Variants in MKNK1 observed in about 807,000 individuals in gnomAD.
The protein encoded by MKNK1 is MAPK interacting serine/threonine kinase 1.
In MKNK1, 30 loss-of-function variants were observed where a neutral mutation model predicts 49.3. The ratio of observed to expected loss-of-function variants is 0.61; its 90% CI spans 0.46 to 0.83. The LOEUF (loss-of-function observed/expected upper bound fraction) is 0.83. MKNK1 is among the 40% of genes least tolerant of loss of function. The probability of loss-of-function intolerance (pLI) is 0.00; values close to 1 mark genes in which losing one functional copy is unlikely to be tolerated. For synonymous variants in MKNK1, 176 were observed against 201.7 expected, an observed-to-expected ratio of 0.87 and a Z score of 1.08; for missense variants, 423 against 524.7, an observed-to-expected ratio of 0.81 and a Z score of 1.89.
rs555722955 is a variant in MKNK1 at position 46,582,064 on chromosome 1, T to C, written c.100+1164A>G. On this transcript the variant is annotated intron_variant, in intron 3 of 12. Coordinates refer to ENST00000371945, the MANE Select transcript of MKNK1 (RefSeq NM_001135553.4). ...TCTCAGTCAGGAGAAGTCCTGTCATTGCACAAGCTGTCCTTAAAAATAGGA... is the reference window on the plus strand; with the variant it reads ...TCTCAGTCAGGAGAAGTCCTGTCATCGCACAAGCTGTCCTTAAAAATAGGA... Among the ~76,000 whole-genome samples the C allele has an allele frequency of 1.8e-4, 28 of 152,294 alleles. No individual in the cohort carries two copies. In the South Asian group the frequency reaches 5.2e-3, roughly 28 times the overall value.
intron 1 of MKNK1, among the ~76,000 whole-genome samples, chr1:46,600,940 A>G (rs1221431614): frequency 6.6e-6 from 1 of 151,106 alleles, no homozygotes; most frequent in Non-Finnish European, 1.5e-5. Context: ...TTTTTGAGAC[A>G]GAGTCTCACT....
At chr1:46,577,939 A>G (rs1671217770) in intron 4 of MKNK1, among the ~76,000 whole-genome samples, 1 of 152,222 alleles carries the variant, frequency 6.6e-6, no homozygotes. Context: ...TGAGACTTCA[A>G]ACTTCTCCGA....
chr1:46,575,100 G>GA, intron 5 of MKNK1, 80 bp from the exon 6 acceptor site: 4 of 921,600 alleles, frequency 4.3e-6, no homozygotes, highest in African/African-American at 1.7e-5. Context: ...AATATACAAT[G>GA]AAAAAAATAT....
At chr1:46,566,984 T>C (rs1669178543) in intron 8 of MKNK1, among the ~76,000 whole-genome samples, 1 of 152,234 alleles carries the variant, frequency 6.6e-6, no homozygotes, top group African/African-American at 2.4e-5. Flanking sequence ...ACCTCTCTTT[T>C]TCTTAAGAGA....
Position 46,558,501 on chromosome 1 carries a change from G to T in MKNK1, c.*74C>A. The T allele has an allele frequency of 1.4e-6, 2 of 1,427,682 alleles. No individual in the cohort carries two copies. Among genetic ancestry groups the T allele is most frequent in the Non-Finnish European group, 1.9e-6 (2 of 1,063,436 alleles). 88.4% of individuals were successfully genotyped at this position (1,427,682 alleles called of 1,614,324 possible). On this transcript the variant is annotated 3_prime_UTR_variant, in exon 13 of 13. Coordinates refer to ENST00000371945, the MANE Select transcript of MKNK1 (RefSeq NM_001135553.4). ...AGCAGAGGCTGCTGCCTGCTCAGCA[G>T]ACTTTAGCCACACAGGTTTCCAGGG...
At position 46,568,455 on chromosome 1, in the gene MKNK1, T is replaced by G. The variant is rs556562442; in HGVS notation, c.501A>C (p.Glu167Asp). The G allele has an allele frequency of 2.0e-5, 33 of 1,614,110 alleles. 1 individual carries two copies. Among genetic ancestry groups the G allele is most frequent in the South Asian group, 1.9e-4 (17 of 91,078 alleles). Reference sequence around the variant, plus strand: ...AGGCCCAAAGTACCTTTTCTGGAGATTCACACAATATATTTTCTGGTTTCA... The same window carrying G: ...AGGCCCAAAGTACCTTTTCTGGAGAGTCACACAATATATTTTCTGGTTTCA... ...RDLKPENILC[E>D]SPEKVSPVKI... The change falls in exon 8 of 13, where the codon GAA (glutamate) becomes GAC (aspartate). Residue 167 changes from glutamate to aspartate, a missense_variant. Coordinates refer to ENST00000371945, the MANE Select transcript of MKNK1 (RefSeq NM_001135553.4).
At chr1:46,583,831 C>G (rs952820053) in intron 2 of MKNK1, among the ~76,000 whole-genome samples, 3 of 152,022 alleles carry the variant, frequency 2.0e-5, no homozygotes, top group Non-Finnish European at 2.9e-5. Flanking sequence ...GTGGAGACAG[C>G]CTCTGTGAAG....
rs35556956 is a variant in MKNK1, at chr1:46,588,807, C to CAAAAAAA, written c.-3+5299_-3+5305dup. Among the ~76,000 whole-genome samples, 10 of 71,314 alleles carry CAAAAAAA rather than the reference C, an allele frequency of 1.4e-4. No homozygotes were observed. In the Admixed American group the frequency reaches 1.5e-3, roughly 11 times the overall value. The allele number at this position is 71,314 out of a possible 152,430, so 46.8% of individuals were successfully genotyped here. On this transcript the variant is annotated intron_variant, in intron 2 of 12. Transcript: ENST00000371945. ...TGGGCGACAGAGCGAGACTCCGTCT[C>CAAAAAAA]AAAAAAAAAAAAAAAAATGCTACTT... is the stretch of plus-strand genomic sequence containing the variant.
chr1:46,583,818 G>A (rs980996383), intron 2 of MKNK1, among the ~76,000 whole-genome samples: 6 of 152,152 alleles, frequency 3.9e-5, no homozygotes, highest in African/African-American at 1.4e-4. Flanking sequence ...CAAATGGCCT[G>A]GAGTGGAGAC....
rs753139941 is a variant in MKNK1, at chr1:46,594,221, C to CA, written c.-112dup. On this transcript the variant is annotated 5_prime_UTR_variant, in exon 2 of 13. The change abolishes the stop of an existing upstream ORF in the 5' untranslated region. Transcript: ENST00000371945. ...TGTCTTCCAGCTACACGAAGTGTCTCAATGGCCTTTGTGCGTAGGTGGCAA... is the reference window on the plus strand; with the variant it reads ...TGTCTTCCAGCTACACGAAGTGTCTCAAATGGCCTTTGTGCGTAGGTGGCAA... 3 of 1,209,180 alleles carry CA rather than the reference C, an allele frequency of 2.5e-6. No homozygotes were observed. In the African/African-American group the frequency reaches 4.5e-5, roughly 18 times the overall value. The allele number at this position is 1,209,180 out of a possible 1,614,324, so 74.9% of individuals were successfully genotyped here.
At chr1:46,563,081 T>C in intron 9 of MKNK1, 1 of 458,888 alleles carries the variant, frequency 2.2e-6, no homozygotes, top group Non-Finnish European at 3.8e-6. Context: ...TCCTTCCAGT[T>C]CCTCCTCCAG....
chr1:46,588,992 G>A (rs996004874), intron 2 of MKNK1, among the ~76,000 whole-genome samples: 1 of 152,200 alleles, frequency 6.6e-6, no homozygotes, highest in Non-Finnish European at 1.5e-5. Flanking sequence ...GAAGGCCTGG[G>A]CTGCCCATGC....
intron 2 of MKNK1, among the ~76,000 whole-genome samples, chr1:46,590,276 G>A (rs956526): frequency 0.37 from 56,697 of 152,052 alleles, 12,685 homozygotes; most frequent in Non-Finnish European, 0.52. Context: ...GGCAATGAGG[G>A]GGTACCTGGG....
In MKNK1 at chr1:46,577,888, A is replaced by G. The variant is rs376403574; in HGVS notation, c.199-1234T>C. On this transcript the variant is annotated intron_variant, in intron 4 of 12. Transcript: ENST00000371945. ...AGCCTAGCTCTGCCTTACAGCTCCA[A>G]CGTGCACAGTGGGCAGCACAATGAC... is the stretch of plus-strand genomic sequence containing the variant. Among the ~76,000 whole-genome samples the G allele has an allele frequency of 8.9e-4, 135 of 152,386 alleles. 1 individual carries two copies. In the South Asian group the frequency reaches 0.024, roughly 27 times the overall value.
chr1:46,580,430 A>C, intron 4 of MKNK1, 100 bp downstream of exon 4: 1 of 842,900 alleles, frequency 1.2e-6, no homozygotes, highest in East Asian at 2.6e-5. Context: ...ATACAGCTTC[A>C]GAGTCCCCAT....
chr1:46,576,658 TG>T lies in MKNK1; in HGVS notation c.199-5del, dbSNP rs1354265510. 4 of 1,613,860 alleles carry T rather than the reference TG, an allele frequency of 2.5e-6. No homozygotes were observed. Among genetic ancestry groups the T allele is most frequent in the Non-Finnish European group, 3.4e-6 (4 of 1,179,850 alleles). On this transcript the variant is annotated splice_region_variant and splice_polypyrimidine_tract_variant and intron_variant, in intron 4 of 12. Coordinates refer to ENST00000371945, the MANE Select transcript of MKNK1 (RefSeq NM_001135553.4). ...GCCCTGCTTGTTTCTCGATGATCTGTGGGAAGAATAAAATCTGTCATGTACA... is the reference window on the plus strand; with the variant it reads ...GCCCTGCTTGTTTCTCGATGATCTGTGGAAGAATAAAATCTGTCATGTACA...
chr1:46,570,683 T>C (rs1669963955), intron 7 of MKNK1, among the ~76,000 whole-genome samples: 1 of 152,224 alleles, frequency 6.6e-6, no homozygotes, highest in East Asian at 1.9e-4. Context: ...TCACAAGTTA[T>C]TCATTTCACT....
rs1276559167 is a variant in MKNK1, at chr1:46,589,941, CCACT to C, written c.-3+4168_-3+4171del. 2.0e-5 allele frequency among the ~76,000 whole-genome samples: 3 copies of C among 152,158 alleles called. No individual in the cohort carries two copies. The highest frequency in any genetic ancestry group is 4.4e-5 in the Non-Finnish European group (3 of 68,020). ...CATGAAACCAGAGATGATCCTCTCC[CCACT>C]GAGAACCCGACTTTGCTGGCTAGCT... On this transcript the variant is annotated intron_variant, in intron 2 of 12. Coordinates refer to ENST00000371945, the MANE Select transcript of MKNK1 (RefSeq NM_001135553.4). The surrounding 1 kb of genome is among the most constrained non-coding windows in gnomAD (Gnocchi z 4.3).
intron 3 of MKNK1, chr1:46,582,880 T>C (rs1214453656): frequency 2.0e-6 from 1 of 494,266 alleles, no homozygotes; most frequent in South Asian, 1.5e-5. Flanking sequence ...TATAGTTCTA[T>C]CTCTCAGCAG....
Sources: allele counts gnomAD v4.1 joint callset (sites outside exome capture counted in the v4.1 genomes callset), GRCh38; gene constraint gnomAD v4.1.1; non-coding constraint Gnocchi (gnomAD v3.1); transcripts MANE v1.5; gene names NCBI Gene and HGNC (gene_info 2026-07-23, HGNC 2026-07-21).